The following COL9A1 variants were observed in gnomAD, a reference collection of about 807,000 sequenced individuals.
COL9A1 encodes collagen alpha-1(IX) chain.
A neutral mutation model predicts 142.6 loss-of-function variants in COL9A1; 104 were observed. The ratio of observed to expected loss-of-function variants is 0.73; its 90% CI spans 0.62 to 0.86. The LOEUF is 0.86. Among genes scored for constraint, COL9A1 ranks in the 40% least tolerant of loss-of-function variants. The pLI, the probability that COL9A1 is intolerant of heterozygous loss-of-function variation, is 0.00. For missense variants in COL9A1, 1,210 were observed against 1,176.6 expected (o/e 1.03, Z -0.42); for synonymous variants, 466 against 396.0 (o/e 1.18, Z -2.10).
At position 70,216,723 on chromosome 6, in the gene COL9A1, A is replaced by G. The variant is rs776515044; in HGVS notation, c.*174T>C. 3.1e-5 allele frequency: 22 copies of G among 698,806 alleles called. No homozygotes were observed. Among genetic ancestry groups the G allele is most frequent in the Non-Finnish European group, 5.1e-5 (20 of 388,842 alleles). 43.3% of individuals were successfully genotyped at this position (698,806 alleles called of 1,614,324 possible). On this transcript the variant is annotated 3_prime_UTR_variant, in exon 38 of 38. Transcript: ENST00000357250. ...GGAAAGGAAAGAGAACTTACTGAAT[A>G]GCACCGTTCTTCTATATGTGATTGT...
intron 24 of COL9A1, 181 bp from the exon 25 acceptor site, chr6:70,254,710 A>T: frequency 1.5e-6 from 1 of 687,136 alleles, no homozygotes; most frequent in East Asian, 2.7e-5. Context: ...GACATAATTC[A>T]ACCAAAATGC....
chr6:70,281,670 G>A (rs555273562), intron 7 of COL9A1, among the ~76,000 whole-genome samples: 11 of 152,310 alleles, frequency 7.2e-5, no homozygotes, highest in African/African-American at 2.6e-4. Context: ...AAACTGTGGG[G>A]CTAGAGCAGG....
At position 70,303,022 on chromosome 6, in the gene COL9A1, G is replaced by A. The variant is rs1398285232; in HGVS notation, c.-98C>T. ...CACGACCCCTTCACTGTTACCCTAGGACTATGTGTTCTGGGCCCAGCCTTG... is the reference window on the plus strand; with the variant it reads ...CACGACCCCTTCACTGTTACCCTAGAACTATGTGTTCTGGGCCCAGCCTTG... On this transcript the variant is annotated 5_prime_UTR_variant, in exon 1 of 38. Transcript: ENST00000357250. The A allele has an allele frequency of 1.0e-5, 13 of 1,305,956 alleles. No individual in the cohort carries two copies. The highest frequency in any genetic ancestry group is 5.0e-5 in the Admixed American group (3 of 59,610). 80.9% of individuals were successfully genotyped at this position (1,305,956 alleles called of 1,614,324 possible).
intron 19 of COL9A1, among the ~76,000 whole-genome samples, chr6:70,261,540 C>T (rs569595419): frequency 6.6e-6 from 1 of 152,282 alleles, no homozygotes; most frequent in Admixed American, 6.5e-5. Flanking sequence ...GAGCTCTAGG[C>T]CAGCATTTCC....
rs145675518 is a variant in COL9A1, at chr6:70,254,818, G to A, written c.1665+145C>T. ...CTATTCTAGTAAGTATTTCATATTT[G>A]ACACTTGATTCAAAAATTAAAGGAA... On this transcript the variant is annotated intron_variant, in intron 24 of 37. Coordinates refer to ENST00000357250, the MANE Select transcript of COL9A1 (RefSeq NM_001851.6). The A allele has an allele frequency of 1.4e-4, 113 of 805,080 alleles. No homozygotes were observed. In the East Asian group the frequency reaches 2.9e-3, roughly 20 times the overall value. 49.9% of individuals were successfully genotyped at this position (805,080 alleles called of 1,614,324 possible).
chr6:70,230,675 C>T (rs1037704701), intron 36 of COL9A1, among the ~76,000 whole-genome samples: 1 of 152,194 alleles, frequency 6.6e-6, no homozygotes, highest in Non-Finnish European at 1.5e-5. Flanking sequence ...GCTAAAGCTT[C>T]CCCAAACTAT....
chr6:70,296,267 T>TA (rs1379399887), intron 4 of COL9A1, among the ~76,000 whole-genome samples: 1 of 152,172 alleles, frequency 6.6e-6, no homozygotes, highest in East Asian at 1.9e-4. Context: ...TACTTTGTAA[T>TA]ATGACTGGTT....
chr6:70,239,269 A>G lies in COL9A1; in HGVS notation c.2097T>C (p.Pro699=), dbSNP rs1055153910. The change falls in exon 33 of 38, where the codon CCT becomes CCC. Residue 699 remains proline (P), a synonymous_variant. Transcript: ENST00000357250. ...CCATACTTACAGATCCCTTTGGGCC[A>G]GGTAATCCTATATCTCCCTAAATCA... ...ERGELGDIGL[P]GPKGSAGNPG... 2.6e-6 allele frequency: 4 copies of G among 1,560,842 alleles called. No homozygotes were observed. In the Admixed American group the frequency reaches 5.0e-5, roughly 20 times the overall value.
chr6:70,298,227 C>A (rs995031859), intron 4 of COL9A1, among the ~76,000 whole-genome samples: 1 of 152,162 alleles, frequency 6.6e-6, no homozygotes, highest in African/African-American at 2.4e-5. Flanking sequence ...AAACACTTAC[C>A]CAATACCAGT....
intron 19 of COL9A1, among the ~76,000 whole-genome samples, chr6:70,262,078 G>A (rs1329931238): frequency 1.3e-5 from 2 of 151,744 alleles, no homozygotes; most frequent in Non-Finnish European, 2.9e-5. Flanking sequence ...AATGTTGTTT[G>A]CAAAACCCTG....
At chr6:70,251,513 C>A (rs72923166) in intron 28 of COL9A1, among the ~76,000 whole-genome samples, 21,056 of 152,212 alleles carry the variant, frequency 0.14, 1,662 homozygotes, top group Non-Finnish European at 0.18. Flanking sequence ...CGCCACTGCA[C>A]CCCAACCTGG....
intron 1 of COL9A1, among the ~76,000 whole-genome samples, chr6:70,302,420 G>C (rs1202327740): frequency 2.0e-5 from 3 of 152,018 alleles, no homozygotes; most frequent in Non-Finnish European, 4.4e-5. Flanking sequence ...ATGGTGGTCA[G>C]TCTGGTCTTG....
intron 29 of COL9A1, chr6:70,242,281 T>G: frequency 1.7e-6 from 1 of 585,074 alleles, no homozygotes; most frequent in South Asian, 1.9e-5. Flanking sequence ...AACAGTAGGC[T>G]TTTTCAGTCA....
chr6:70,288,915 C>A (rs543242015), intron 5 of COL9A1, among the ~76,000 whole-genome samples: 4 of 152,088 alleles, frequency 2.6e-5, no homozygotes. Context: ...GACATTGGAG[C>A]ATTAATTTTT....
intron 37 of COL9A1, among the ~76,000 whole-genome samples, chr6:70,223,425 T>A (rs1050365777): frequency 6.6e-6 from 1 of 152,210 alleles, no homozygotes; most frequent in Non-Finnish European, 1.5e-5. Flanking sequence ...AGAAATTAAG[T>A]AAAATGCCCA....
At chr6:70,263,173 A>G in intron 19 of COL9A1, 71 bp downstream of exon 19, 1 of 1,262,226 alleles carries the variant, frequency 7.9e-7, no homozygotes, top group Non-Finnish European at 1.1e-6. Flanking sequence ...TAAATAGAAA[A>G]TATTCCAACA....
chr6:70,254,845 G>C (rs1309382661), intron 24 of COL9A1, 118 bp downstream of exon 24: 21 of 961,002 alleles, frequency 2.2e-5, no homozygotes, highest in Non-Finnish European at 1.7e-5. Context: ...TTAAAGGAAG[G>C]GAAAAAGCCA....
intron 11 of COL9A1, 118 bp downstream of exon 11, chr6:70,274,601 G>GT (rs1421972829): frequency 1.2e-6 from 1 of 821,664 alleles, no homozygotes; most frequent in Non-Finnish European, 2.0e-6. Context: ...CACAATTTTA[G>GT]TTGAACGAGT....
At chr6:70,282,122 G>T (rs1773202810) in intron 7 of COL9A1, among the ~76,000 whole-genome samples, 1 of 152,178 alleles carries the variant, frequency 6.6e-6, no homozygotes, top group South Asian at 2.1e-4. Context: ...CTTGCAAACA[G>T]CTGCGTTTTG....
Sources: gnomAD v4.1 joint callset for allele counts (sites outside exome capture counted in the v4.1 genomes callset) on GRCh38, gnomAD v4.1.1 for gene constraint, MANE v1.5 for transcripts, NCBI Gene and HGNC (gene_info 2026-07-23, HGNC 2026-07-21) for gene names.